Variants in GALNT17 observed in about 807,000 individuals in gnomAD.
The protein encoded by GALNT17 is polypeptide N-acetylgalactosaminyltransferase 17, also known as UDP-GalNAc:polypeptide N-acetylgalactosaminyltransferase-like 3.
Under a neutral mutation model 63.7 loss-of-function variants are expected in GALNT17, and 29 were observed. That is an observed-to-expected ratio of 0.46 (90% CI 0.34 to 0.62). The LOEUF is 0.62. GALNT17 is among the 20% of genes least tolerant of loss of function. GALNT17 has a pLI of 0.01. For synonymous variants in GALNT17, 305 were observed against 318.3 expected (o/e 0.96, Z 0.45); for missense variants, 603 against 799.6 (o/e 0.75, Z 2.97).
intron 5 of GALNT17, among the ~76,000 whole-genome samples, chr7:71,504,359 C>T (rs1344230696): frequency 6.6e-6 from 1 of 152,054 alleles, no homozygotes; most frequent in African/African-American, 2.4e-5. Context: ...CGTACCGCTG[C>T]ACCCTGGGCG....
At chr7:71,695,214 C>G (rs1226821235) in intron 9 of GALNT17, among the ~76,000 whole-genome samples, 1 of 152,180 alleles carries the variant, frequency 6.6e-6, no homozygotes, top group African/African-American at 2.4e-5. Context: ...CTCCACAGGT[C>G]ATGTGGGCCA....
chr7:71,376,215 C>A (rs1792720586), intron 2 of GALNT17, among the ~76,000 whole-genome samples: 1 of 152,070 alleles, frequency 6.6e-6, no homozygotes, highest in African/African-American at 2.4e-5. Context: ...TTGCAGCAGT[C>A]AGGGTTGTCC....
At chr7:71,509,455 G>A (rs1788318760) in intron 5 of GALNT17, among the ~76,000 whole-genome samples, 1 of 152,196 alleles carries the variant, frequency 6.6e-6, no homozygotes, top group South Asian at 2.1e-4. Context: ...CTTGTGCTCA[G>A]CCCCATTCTG....
chr7:71,628,787 C>T (rs1790413001), intron 6 of GALNT17, among the ~76,000 whole-genome samples: 1 of 151,974 alleles, frequency 6.6e-6, no homozygotes, highest in African/African-American at 2.4e-5. Flanking sequence ...AAAAAATTAG[C>T]CAGGTGTGGT....
chr7:71,318,216 A>C (rs559134408), intron 1 of GALNT17, among the ~76,000 whole-genome samples: 4 of 152,118 alleles, frequency 2.6e-5, no homozygotes, highest in African/African-American at 7.2e-5. Context: ...TTGAGTTTTC[A>C]ATCAGGCAGT....
intron 5 of GALNT17, among the ~76,000 whole-genome samples, chr7:71,561,309 G>A (rs1562691530): frequency 6.6e-6 from 1 of 152,154 alleles, no homozygotes; most frequent in Non-Finnish European, 1.5e-5. Context: ...ACTGCACCCA[G>A]CCTGAAATGA....
intron 1 of GALNT17, among the ~76,000 whole-genome samples, chr7:71,252,495 A>T (rs1317189830): frequency 1.3e-5 from 2 of 152,202 alleles, no homozygotes; most frequent in African/African-American, 2.4e-5. Flanking sequence ...ACTGCACCCC[A>T]CTGGGCTACA....
At chr7:71,137,629 G>C (rs1787811336) in intron 1 of GALNT17, among the ~76,000 whole-genome samples, 1 of 152,116 alleles carries the variant, frequency 6.6e-6, no homozygotes, top group African/African-American at 2.4e-5. Context: ...GAGGGGTGGG[G>C]GCTGGGAGGA....
intron 1 of GALNT17, among the ~76,000 whole-genome samples, chr7:71,142,276 TC>T (rs1288687149): frequency 6.6e-6 from 1 of 151,904 alleles, no homozygotes; most frequent in Non-Finnish European, 1.5e-5. Flanking sequence ...TGAGAGGGGG[TC>T]CTTTTCCTTA....
At chr7:71,362,064 C>G (rs1474912495) in intron 2 of GALNT17, among the ~76,000 whole-genome samples, 3 of 152,174 alleles carry the variant, frequency 2.0e-5, no homozygotes, top group South Asian at 2.1e-4. Flanking sequence ...TCAAGAGATT[C>G]TCCTGCCTCA....
In GALNT17 at chr7:71,571,330, C is replaced by T. The variant is rs1789439412; in HGVS notation, c.1008C>T (p.Phe336=). 1 of 1,614,130 alleles carries T rather than the reference C, an allele frequency of 6.2e-7. No homozygotes were observed. Among genetic ancestry groups the T allele is most frequent in the Non-Finnish European group, 8.5e-7 (1 of 1,179,984 alleles). ...IGCSFVVNRK[F]FGEIGLLDPG... The stretch of plus-strand genomic sequence containing the variant: ...GCTCGTTCGTGGTCAACAGGAAGTT[C>T]TTCGGTGAAATTGGTCTTCTGGATC... The change falls in exon 6 of 11, where the codon TTC becomes TTT. Residue 336 remains phenylalanine (F), a synonymous_variant. Coordinates refer to ENST00000333538, the MANE Select transcript of GALNT17 (RefSeq NM_022479.3).
intron 6 of GALNT17, among the ~76,000 whole-genome samples, chr7:71,613,792 A>ATTTTTTTTT (rs56216543): frequency 7.6e-6 from 1 of 132,424 alleles, no homozygotes; most frequent in African/African-American, 2.9e-5. Context: ...CATCTCTATG[A>ATTTTTTTTT]TTTTTTTTTT....
intron 1 of GALNT17, among the ~76,000 whole-genome samples, chr7:71,243,380 G>A (rs1025120550): frequency 1.3e-5 from 2 of 152,036 alleles, no homozygotes; most frequent in Non-Finnish European, 2.9e-5. Context: ...ATGGCAGTGC[G>A]AAAATAGACT....
At chr7:71,550,227 G>A (rs751674304) in intron 5 of GALNT17, among the ~76,000 whole-genome samples, 1 of 151,946 alleles carries the variant, frequency 6.6e-6, no homozygotes, top group Non-Finnish European at 1.5e-5. Flanking sequence ...TAGAAATAAT[G>A]ATAGGTAACT....
At chr7:71,378,624 G>C (rs933807637) in intron 2 of GALNT17, among the ~76,000 whole-genome samples, 1 of 152,044 alleles carries the variant, frequency 6.6e-6, no homozygotes, top group Non-Finnish European at 1.5e-5. Flanking sequence ...AAATAGGAAA[G>C]GGATTTTCAT....
intron 1 of GALNT17, among the ~76,000 whole-genome samples, chr7:71,201,247 A>ATATATATATATATATATATATATATATG: frequency 6.7e-6 from 1 of 148,870 alleles, no homozygotes; most frequent in Admixed American, 6.7e-5. Context: ...ATTTTTATAT[A>ATATATATATATATATATATATATATATG]TATATATATA....
chr7:71,232,667 C>T (rs551567660), intron 1 of GALNT17, among the ~76,000 whole-genome samples: 3 of 152,278 alleles, frequency 2.0e-5, no homozygotes, highest in Admixed American at 1.3e-4. Context: ...ACTGCTCCTG[C>T]AGAGCAGGGC....
intron 9 of GALNT17, among the ~76,000 whole-genome samples, chr7:71,682,986 G>A (rs1791290700): frequency 6.6e-6 from 1 of 152,078 alleles, no homozygotes; most frequent in Non-Finnish European, 1.5e-5. Flanking sequence ...GGCACTCCCA[G>A]CACAGTGTGG....
At chr7:71,650,612 C>T (rs963331941) in intron 6 of GALNT17, among the ~76,000 whole-genome samples, 4 of 152,104 alleles carry the variant, frequency 2.6e-5, no homozygotes, top group Admixed American at 1.3e-4. Flanking sequence ...AAGCTCTGGC[C>T]CTTTGGTGTT....
Sources: gnomAD v4.1 joint callset for allele counts (sites outside exome capture counted in the v4.1 genomes callset) on GRCh38, gnomAD v4.1.1 for gene constraint, MANE v1.5 for transcripts, NCBI Gene and HGNC (gene_info 2026-07-23, HGNC 2026-07-21) for gene names.